The following ANKRD12 variants were observed in gnomAD, a reference collection of about 807,000 sequenced individuals.
ANKRD12 encodes ankyrin repeat domain 12.
In ANKRD12, 85 loss-of-function variants were observed where a neutral mutation model predicts 183.4. That is an observed-to-expected ratio of 0.46 (90% CI 0.39 to 0.56). The LOEUF is 0.56. Ranked by LOEUF, ANKRD12 falls within the 20% of genes least tolerant of loss-of-function variation. The pLI, the probability that ANKRD12 is intolerant of heterozygous loss-of-function variation, is 0.00. For missense variants in ANKRD12, 2,405 were observed against 2,357.1 expected (o/e 1.02, Z -0.42); for synonymous variants, 914 against 800.2 (o/e 1.14, Z -2.40).
intron 8 of ANKRD12, among the ~76,000 whole-genome samples, chr18:9,249,028 A>G (rs1358537861): frequency 6.6e-6 from 1 of 152,220 alleles, no homozygotes; most frequent in Non-Finnish European, 1.5e-5. Context: ...ACCCCCACTT[A>G]ATTTCTTGAT....
chr18:9,205,452 A>C (rs749413774), intron 4 of ANKRD12, among the ~76,000 whole-genome samples: 1 of 152,104 alleles, frequency 6.6e-6, no homozygotes, highest in Non-Finnish European at 1.5e-5. Context: ...GGTTAGGGGC[A>C]GTGGAAGAAC....
intron 3 of ANKRD12, among the ~76,000 whole-genome samples, chr18:9,200,159 A>AT (rs1205771726): frequency 6.6e-6 from 1 of 152,130 alleles, no homozygotes; most frequent in Admixed American, 6.6e-5. Context: ...ATACTTACTA[A>AT]TTTTTTTAAA....
chr18:9,152,638 A>G (rs1233585474), intron 1 of ANKRD12, among the ~76,000 whole-genome samples: 1 of 151,946 alleles, frequency 6.6e-6, no homozygotes, highest in Non-Finnish European at 1.5e-5. Context: ...GAAGTTATCT[A>G]CATTCTATTT....
chr18:9,179,012 T>C (rs987461294), intron 1 of ANKRD12, among the ~76,000 whole-genome samples: 2 of 152,232 alleles, frequency 1.3e-5, no homozygotes, highest in Admixed American at 1.3e-4. Context: ...TATTTTGTTA[T>C]ATTATCCCTA....
intron 1 of ANKRD12, among the ~76,000 whole-genome samples, chr18:9,180,875 A>C (rs1171937514): frequency 6.6e-6 from 1 of 152,206 alleles, no homozygotes; most frequent in East Asian, 1.9e-4. Context: ...GCTTTGCTTC[A>C]TCTACAAAGG....
rs2040161644 is a variant in ANKRD12, at chr18:9,283,183, G to A, written c.*2057G>A. 6.6e-6 allele frequency: 1 copy of A among 152,162 alleles called. No individual in the cohort carries two copies. The highest frequency in any genetic ancestry group is 1.5e-5 in the Non-Finnish European group (1 of 68,012). 9.4% of individuals were successfully genotyped at this position (152,162 alleles called of 1,614,324 possible). A position where few individuals can be genotyped will look rare whatever the true frequency, so the allele number is the denominator to read the frequency against. On this transcript the variant is annotated 3_prime_UTR_variant, in exon 13 of 13. Coordinates refer to ENST00000262126, the MANE Select transcript of ANKRD12 (RefSeq NM_015208.5). The stretch of plus-strand genomic sequence containing the variant: ...TTTGAAGTTATAGAAAATCAGAGAG[G>A]GGTAAGTTTATAGGGCATTTTGTTC...
chr18:9,212,773 T>G (rs139481284), intron 6 of ANKRD12, among the ~76,000 whole-genome samples: 3,375 of 152,020 alleles, frequency 0.022, 53 homozygotes, highest in Non-Finnish European at 0.034. Context: ...AAACTGGATA[T>G]TATCAACTTT....
rs1288249364 is a variant in ANKRD12 at position 9,209,156 on chromosome 18, A to G, written c.451+353A>G. ...TGTTGTGCCACATGTATGTATGTTT[A>G]TTTATATACTGTGTTCTCCAAAAAT... is the stretch of plus-strand genomic sequence containing the variant. On this transcript the variant is annotated intron_variant, in intron 5 of 12. Coordinates refer to ENST00000262126, the MANE Select transcript of ANKRD12 (RefSeq NM_015208.5). 2.0e-5 allele frequency among the ~76,000 whole-genome samples: 3 copies of G among 152,180 alleles called. No homozygotes were observed. The East Asian group carries it at 5.8e-4, about 29-fold the overall frequency.
intron 10 of ANKRD12, among the ~76,000 whole-genome samples, chr18:9,274,542 G>A (rs71362076): frequency 8.5e-5 from 13 of 152,206 alleles, no homozygotes; most frequent in Non-Finnish European, 7.3e-5. Context: ...TAGGAGCATA[G>A]AGGAAGGGGG....
At position 9,254,951 on chromosome 18, in the gene ANKRD12, C is replaced by T. The variant is rs1033871580; in HGVS notation, c.1684C>T (p.His562Tyr). The change falls in exon 9 of 13, where the codon CAT (histidine) becomes TAT (tyrosine). Residue 562 changes from histidine (H) to tyrosine (Y), a missense_variant. His to Tyr is a moderately conservative substitution (Grantham distance 83). Coordinates refer to ENST00000262126, the MANE Select transcript of ANKRD12 (RefSeq NM_015208.5). ...EKQSTPLKQE[H>Y]TKTCLSPGSS... ...ACAGTCAACACCACTAAAACAAGAA[C>T]ATACTAAAACATGTTTATCACCAGG... 2 of 1,602,670 alleles carry T rather than the reference C, an allele frequency of 1.2e-6. No individual in the cohort carries two copies. The highest frequency in any genetic ancestry group is 2.7e-5 in the African/African-American group (2 of 74,326).
At chr18:9,235,950 CT>C (rs538115467) in intron 8 of ANKRD12, 11,105 of 165,724 alleles carry the variant, frequency 0.067, 28 homozygotes, top group South Asian at 0.14. Context: ...TATTGAGGGA[CT>C]TTTTTTTTTT....
chr18:9,238,048 T>C (rs572157938), intron 8 of ANKRD12, among the ~76,000 whole-genome samples: 1 of 152,312 alleles, frequency 6.6e-6, no homozygotes, highest in South Asian at 2.1e-4. Flanking sequence ...CTCAGTGGTA[T>C]TTCAGTCCTT....
At chr18:9,274,471 C>T (rs1194669096) in intron 10 of ANKRD12, among the ~76,000 whole-genome samples, 1 of 152,054 alleles carries the variant, frequency 6.6e-6, no homozygotes, top group Non-Finnish European at 1.5e-5. Context: ...TATGTGATTC[C>T]ATGTATATTA....
intron 1 of ANKRD12, among the ~76,000 whole-genome samples, chr18:9,173,067 AT>A (rs35322750): frequency 0.16 from 19,878 of 122,184 alleles, 1,785 homozygotes; most frequent in African/African-American, 0.34. Flanking sequence ...GAGGTTGCTG[AT>A]TTTTTTTTTT....
At chr18:9,167,139 G>A (rs553990921) in intron 1 of ANKRD12, among the ~76,000 whole-genome samples, 7 of 152,192 alleles carry the variant, frequency 4.6e-5, no homozygotes, top group South Asian at 2.1e-4. Context: ...ATAGTTTGAA[G>A]TCAGGCAGTG....
Position 9,235,027 on chromosome 18 carries a change from A to G in ANKRD12, c.943+13028A>G, listed in dbSNP as rs544398968. Among the ~76,000 whole-genome samples, 26 of 152,176 alleles carry G rather than the reference A, an allele frequency of 1.7e-4. No homozygotes were observed. In the South Asian group the frequency reaches 5.4e-3, roughly 32 times the overall value. ...CCTGTGACTTCTCTGTTGGACTTTA[A>G]TGTTCTCTTCCTAGATACCCTATTC... On this transcript the variant is annotated intron_variant, in intron 8 of 12. Transcript: ENST00000262126.
chr18:9,160,824 G>T (rs1030785772), intron 1 of ANKRD12, among the ~76,000 whole-genome samples: 4 of 152,186 alleles, frequency 2.6e-5, no homozygotes, highest in Non-Finnish European at 5.9e-5. Flanking sequence ...TAAAAACAGT[G>T]CCAACACAAT....
At chr18:9,150,143 T>C (rs8083078) in intron 1 of ANKRD12, among the ~76,000 whole-genome samples, 1 of 152,020 alleles carries the variant, frequency 6.6e-6, no homozygotes, top group Admixed American at 6.5e-5. Flanking sequence ...TCAGGCTCAG[T>C]TTCCCGAAAG....
chr18:9,192,876 G>T (rs750074902), intron 2 of ANKRD12, among the ~76,000 whole-genome samples: 2 of 151,440 alleles, frequency 1.3e-5, no homozygotes, highest in Non-Finnish European at 2.9e-5. Flanking sequence ...TGGCGATGAG[G>T]TCTCACCACG....
Sources: gnomAD v4.1 joint callset for allele counts (sites outside exome capture counted in the v4.1 genomes callset) on GRCh38, gnomAD v4.1.1 for gene constraint, MANE v1.5 for transcripts, NCBI Gene and HGNC (gene_info 2026-07-23, HGNC 2026-07-21) for gene names.